Variants in ANO2 observed in about 807,000 individuals in gnomAD.
ANO2 encodes anoctamin 2.
A neutral mutation model predicts 124.2 loss-of-function variants in ANO2; 101 were observed. The ratio of observed to expected loss-of-function variants is 0.81; its 90% CI spans 0.69 to 0.96. The LOEUF (loss-of-function observed/expected upper bound fraction) is 0.96. ANO2 is among the 40% of genes least tolerant of loss of function. The pLI is 0.00. For missense variants in ANO2, 1,293 were observed against 1,274.5 expected (o/e 1.01, Z -0.22); for synonymous variants, 486 against 482.5 (o/e 1.01, Z -0.09).
chr12:5,782,522 T>C (rs1281305092), intron 10 of ANO2, among the ~76,000 whole-genome samples: 2 of 152,244 alleles, frequency 1.3e-5, no homozygotes, highest in Non-Finnish European at 2.9e-5. Context: ...AACCTTGTTT[T>C]TTTCAGGGAT....
At chr12:5,834,940 A>G (rs1954271694) in intron 4 of ANO2, among the ~76,000 whole-genome samples, 1 of 152,204 alleles carries the variant, frequency 6.6e-6, no homozygotes, top group Non-Finnish European at 1.5e-5. Flanking sequence ...TTAGCATCAT[A>G]TCATAGATAT....
chr12:5,686,275 C>T (rs902371892), intron 14 of ANO2, among the ~76,000 whole-genome samples: 1 of 152,218 alleles, frequency 6.6e-6, no homozygotes, highest in African/African-American at 2.4e-5. Context: ...ACATCATCAG[C>T]ATCTTTCTTT....
intron 1 of ANO2, among the ~76,000 whole-genome samples, chr12:5,928,131 CAAGAG>C (rs1488076827): frequency 8.7e-5 from 13 of 150,200 alleles, no homozygotes; most frequent in Non-Finnish European, 1.6e-4. Context: ...CCAGAGCCTC[CAAGAG>C]AGACCAGCAG....
Position 5,925,968 on chromosome 12 carries a change from G to A in ANO2, c.23-3164C>T, listed in dbSNP as rs1323828878. Among the ~76,000 whole-genome samples the A allele has an allele frequency of 6.6e-6, 1 of 152,222 alleles. No homozygotes were observed. The highest frequency in any genetic ancestry group is 6.5e-5 in the Admixed American group (1 of 15,286). ...TCACTCTAACTCTTGCTCTCCTGCA[G>A]GCACCAGGTCCACACATTCCCCTGC... On this transcript the variant is annotated intron_variant, in intron 1 of 24. Coordinates refer to ENST00000682330, the MANE Select transcript of ANO2 (RefSeq NM_001364791.2). This position sits in a 1 kb window ranked among gnomAD's most constrained non-coding sequence, Gnocchi z 4.6.
At chr12:5,610,784 A>ATGGCCCAGC (rs1310048609) in intron 19 of ANO2, among the ~76,000 whole-genome samples, 3 of 137,290 alleles carry the variant, frequency 2.2e-5, no homozygotes, top group African/African-American at 8.1e-5. Flanking sequence ...TATCATGTTC[A>ATGGCCCAGC]TGGCCCAGCT....
chr12:5,873,241 C>G (rs61908385), intron 3 of ANO2, among the ~76,000 whole-genome samples: 3 of 144,268 alleles, frequency 2.1e-5, no homozygotes, highest in African/African-American at 8.3e-5. Flanking sequence ...CTCTCTCTCT[C>G]TCTCTGTCTG....
chr12:5,944,886 A>G (rs1385976362), intron 1 of ANO2, among the ~76,000 whole-genome samples: 2 of 152,170 alleles, frequency 1.3e-5, no homozygotes, highest in Non-Finnish European at 2.9e-5. Context: ...GAGAGGCAAC[A>G]TCACAGAGGT....
At chr12:5,668,076 T>C (rs1280221573) in intron 14 of ANO2, among the ~76,000 whole-genome samples, 1 of 152,180 alleles carries the variant, frequency 6.6e-6, no homozygotes, top group East Asian at 1.9e-4. Flanking sequence ...CTCAGTAATG[T>C]GATTGCTGGG....
chr12:5,750,297 C>T (rs1215596220), intron 11 of ANO2, among the ~76,000 whole-genome samples: 3 of 152,196 alleles, frequency 2.0e-5, no homozygotes, highest in African/African-American at 7.2e-5. Flanking sequence ...TCTCTTGGCG[C>T]TCCAAGAGTC....
At chr12:5,699,799 G>A (rs1949331686) in intron 14 of ANO2, among the ~76,000 whole-genome samples, 1 of 152,128 alleles carries the variant, frequency 6.6e-6, no homozygotes, top group Admixed American at 6.5e-5. Flanking sequence ...CCTAGTCTCG[G>A]ATAAAACAGA....
rs1941526704 is a variant in ANO2, at chr12:5,563,112, GC to G, written c.*186del. On this transcript the variant is annotated 3_prime_UTR_variant, in exon 25 of 25. Transcript: ENST00000682330. ...TTAAGCTTGAAGTTTCTGAGATGTA[GC>G]ATCATTTCTCTTCCTTCCTACACTC... The G allele has an allele frequency of 1.4e-5, 11 of 811,042 alleles. No homozygotes were observed. The highest frequency in any genetic ancestry group is 2.1e-5 in the Non-Finnish European group (11 of 533,376). The allele number at this position is 811,042 out of a possible 1,614,324, so 50.2% of individuals were successfully genotyped here. A position where few individuals can be genotyped will look rare whatever the true frequency, so the allele number is the denominator to read the frequency against.
chr12:5,856,692 A>C (rs1205920152), intron 3 of ANO2: 1 of 152,230 alleles, frequency 6.6e-6, no homozygotes, highest in Non-Finnish European at 1.5e-5. Flanking sequence ...CAGAAACAGC[A>C]AAGTGTCAAG....
chr12:5,928,217 G>C (rs1167451019), intron 1 of ANO2, among the ~76,000 whole-genome samples: 1 of 152,026 alleles, frequency 6.6e-6, no homozygotes, highest in African/African-American at 2.4e-5. Flanking sequence ...TTTCCCTCTT[G>C]GCATCATTAC....
At position 5,635,100 on chromosome 12, in the gene ANO2, G is replaced by A. The variant is rs1945935171; in HGVS notation, c.1816+52C>T. 33 of 1,436,586 alleles carry A rather than the reference G, an allele frequency of 2.3e-5. No homozygotes were observed. Among genetic ancestry groups the A allele is most frequent in the Non-Finnish European group, 2.9e-5 (31 of 1,078,540 alleles). The allele number at this position is 1,436,586 out of a possible 1,614,324, so 89.0% of individuals were successfully genotyped here. ...TATTTTATCACCAAAAGCCTTGCAC[G>A]CATTGACTTAAAGAGGGCCTAGGAC... On this transcript the variant is annotated intron_variant, in intron 16 of 24. Coordinates refer to ENST00000682330, the MANE Select transcript of ANO2 (RefSeq NM_001364791.2). This position sits in a 1 kb window ranked among gnomAD's most constrained non-coding sequence, Gnocchi z 5.2.
At chr12:5,626,982 C>T (rs1945444877) in intron 16 of ANO2, among the ~76,000 whole-genome samples, 1 of 152,184 alleles carries the variant, frequency 6.6e-6, no homozygotes, top group Non-Finnish European at 1.5e-5. Flanking sequence ...GAGATGAGTG[C>T]TGCAAGGACT....
At chr12:5,719,458 G>A (rs1950141101) in intron 14 of ANO2, among the ~76,000 whole-genome samples, 3 of 151,928 alleles carry the variant, frequency 2.0e-5, no homozygotes, top group Admixed American at 2.0e-4. Context: ...GGTGTTAAGA[G>A]ACAGGGTCTT....
At chr12:5,564,544 T>C (rs1591630961) in intron 24 of ANO2, 1 of 152,050 alleles carries the variant, frequency 6.6e-6, no homozygotes, top group Non-Finnish European at 1.5e-5. Context: ...TTCCTAGGGG[T>C]TCAGGGGAAG....
At chr12:5,743,528 G>T (rs1951172763) in intron 12 of ANO2, among the ~76,000 whole-genome samples, 1 of 151,564 alleles carries the variant, frequency 6.6e-6, no homozygotes, top group South Asian at 2.1e-4. Flanking sequence ...GCTACCTATG[G>T]CTCAGAACAA....
intron 23 of ANO2, among the ~76,000 whole-genome samples, chr12:5,566,080 G>C (rs1941736336): frequency 6.6e-6 from 1 of 151,960 alleles, no homozygotes; most frequent in Non-Finnish European, 1.5e-5. Context: ...CGGGGGGGTT[G>C]GGGAAGATGC....
Sources: gnomAD v4.1 joint callset for allele counts (sites outside exome capture counted in the v4.1 genomes callset) on GRCh38, gnomAD v4.1.1 for gene constraint, Gnocchi (gnomAD v3.1) non-coding constraint, MANE v1.5 for transcripts, NCBI Gene and HGNC (gene_info 2026-07-23, HGNC 2026-07-21) for gene names.